The following SEPTIN14 variants were observed in gnomAD, a reference collection of about 807,000 sequenced individuals.
The protein encoded by SEPTIN14 is septin-14.
A neutral mutation model predicts 53.6 loss-of-function variants in SEPTIN14; 40 were observed. That is an observed-to-expected ratio of 0.75 (90% CI 0.58 to 0.97). The LOEUF (loss-of-function observed/expected upper bound fraction) is 0.97. Ranked by LOEUF, SEPTIN14 falls within the 50% of genes least tolerant of loss-of-function variation. The probability of loss-of-function intolerance (pLI) is 0.00; values close to 1 mark genes in which losing one functional copy is unlikely to be tolerated. For synonymous variants in SEPTIN14, 138 were observed against 166.8 expected (o/e 0.83, Z 1.33); for missense variants, 471 against 508.2 (o/e 0.93, Z 0.70).
chr7:55,834,670 T>C, intron 5 of SEPTIN14, 84 bp from the exon 6 acceptor site: 1 of 1,146,360 alleles, frequency 8.7e-7, no homozygotes, highest in Non-Finnish European at 1.2e-6. Flanking sequence ...TGAGACGGAG[T>C]CTCGCTTTGT....
At chr7:55,841,021 T>C (rs542192163) in intron 5 of SEPTIN14, among the ~76,000 whole-genome samples, 4 of 152,308 alleles carry the variant, frequency 2.6e-5, no homozygotes, top group African/African-American at 9.6e-5. Context: ...TGCCTCAGTC[T>C]CATGAGCAGC....
intron 2 of SEPTIN14, among the ~76,000 whole-genome samples, chr7:55,854,453 G>C (rs377079620): frequency 1.5e-4 from 22 of 151,008 alleles, no homozygotes; most frequent in Non-Finnish European, 2.7e-4. Context: ...TTTTTGAGAC[G>C]GAGTCTCGCT....
At chr7:55,820,229 G>A (rs1196744390) in intron 6 of SEPTIN14, among the ~76,000 whole-genome samples, 5 of 152,150 alleles carry the variant, frequency 3.3e-5, no homozygotes, top group African/African-American at 9.7e-5. Flanking sequence ...TTGAACTCCT[G>A]ACCTCAGGTG....
At chr7:55,830,364 T>TTTTTTTTTTTTTTTTTTTTTTATAG (rs1789087899) in intron 6 of SEPTIN14, among the ~76,000 whole-genome samples, 1 of 132,544 alleles carries the variant, frequency 7.5e-6, no homozygotes, top group African/African-American at 2.9e-5. Flanking sequence ...TTTTTTTTTT[T>TTTTTTTTTTTTTTTTTTTTTTATAG]GAGACGGAGT....
intron 5 of SEPTIN14, among the ~76,000 whole-genome samples, chr7:55,841,412 T>G (rs1480501807): frequency 6.6e-5 from 10 of 152,034 alleles, no homozygotes; most frequent in Non-Finnish European, 1.5e-4. Flanking sequence ...CTATTATTTG[T>G]CTAATACTGA....
chr7:55,811,233 C>G, intron 7 of SEPTIN14: 1 of 527,464 alleles, frequency 1.9e-6, no homozygotes, highest in Non-Finnish European at 3.8e-6. Context: ...CTTGGGGAGC[C>G]GCAGGATCTG....
intron 7 of SEPTIN14, among the ~76,000 whole-genome samples, chr7:55,817,796 A>G (rs576008055): frequency 6.6e-6 from 1 of 152,234 alleles, no homozygotes; most frequent in Non-Finnish European, 1.5e-5. Context: ...GAAAATTGCT[A>G]AGATAGATGT....
chr7:55,818,863 T>C (rs1463928308), intron 7 of SEPTIN14, among the ~76,000 whole-genome samples: 7 of 152,186 alleles, frequency 4.6e-5, no homozygotes, highest in African/African-American at 1.7e-4. Flanking sequence ...ATTGGGAGCG[T>C]TGGGATAGAC....
intron 2 of SEPTIN14, among the ~76,000 whole-genome samples, chr7:55,849,570 A>C (rs571992575): frequency 2.7e-5 from 4 of 150,886 alleles, no homozygotes; most frequent in Admixed American, 2.0e-4. Context: ...ACATGGAAAA[A>C]CCCCGTCTCT....
chr7:55,807,294 G>C, intron 7 of SEPTIN14, 36 bp from the exon 8 acceptor site: 1 of 1,365,918 alleles, frequency 7.3e-7, no homozygotes, highest in East Asian at 2.3e-5. Flanking sequence ...ACAACATTCA[G>C]TATCAATCCC....
intron 7 of SEPTIN14, among the ~76,000 whole-genome samples, chr7:55,817,476 A>AT (rs938944299): frequency 0.055 from 7,869 of 143,700 alleles, 445 homozygotes; most frequent in African/African-American, 0.14. Flanking sequence ...ATATATATAT[A>AT]TTTTTTTTTT....
chr7:55,855,404 C>G (rs1470343896), intron 2 of SEPTIN14, among the ~76,000 whole-genome samples: 1 of 152,134 alleles, frequency 6.6e-6, no homozygotes, highest in Non-Finnish European at 1.5e-5. Context: ...CAGGAAAAGA[C>G]AAGATGGGAG....
chr7:55,832,914 C>T (rs997252613), intron 6 of SEPTIN14, among the ~76,000 whole-genome samples: 11 of 151,960 alleles, frequency 7.2e-5, no homozygotes, highest in Non-Finnish European at 1.3e-4. Flanking sequence ...AGAAGCCAAA[C>T]CTCACCATTA....
At chr7:55,854,752 A>C (rs1789583911) in intron 2 of SEPTIN14, among the ~76,000 whole-genome samples, 2 of 152,172 alleles carry the variant, frequency 1.3e-5, no homozygotes, top group Admixed American at 6.6e-5. Context: ...TTACCAGTCA[A>C]TAAGGCAAAC....
chr7:55,844,643 T>C lies in SEPTIN14; in HGVS notation c.251A>G (p.His84Arg), dbSNP rs1789369861. 6.2e-7 allele frequency: 1 copy of C among 1,610,362 alleles called. No homozygotes were observed. The highest frequency in any genetic ancestry group is 8.5e-7 in the Non-Finnish European group (1 of 1,177,088). The change falls in exon 4 of 10, where the codon CAT (histidine) becomes CGT (arginine). Residue 84 changes from histidine to arginine, a missense_variant. Coordinates refer to ENST00000388975, the MANE Select transcript of SEPTIN14 (RefSeq NM_207366.3). Reference protein sequence around the residue: ...NTNLKDNKSSHFYSNVGLQIQ... With the variant: ...NTNLKDNKSSRFYSNVGLQIQ... ...TTGAAGTCCAACATTTGAGTAAAAA[T>C]GTGAGGATTTGTTATCTTTCAAGTT...
chr7:55,797,925 G>C (rs73130795), intron 9 of SEPTIN14: 1,567 of 153,844 alleles, frequency 0.01, 9 homozygotes, highest in Non-Finnish European at 0.018. Flanking sequence ...AAAAACTTGA[G>C]GCCTGGCCTC....
rs1399676144 is a variant in SEPTIN14 at position 55,842,948 on chromosome 7, G to C, written c.552C>G (p.Asp184Glu). The C allele has an allele frequency of 2.0e-6, 3 of 1,504,632 alleles. No individual in the cohort carries two copies. The highest frequency in any genetic ancestry group is 2.7e-6 in the Non-Finnish European group (3 of 1,128,306). The allele number at this position is 1,504,632 out of a possible 1,614,324, so 93.2% of individuals were successfully genotyped here. ...GTAGATTTACCAAACATACCTTACTGTCAAGGTTCTTCATTGTTAATAGAT... is the reference window on the plus strand; with the variant it reads ...GTAGATTTACCAAACATACCTTACTCTCAAGGTTCTTCATTGTTAATAGAT... ...SLDLLTMKNL[D>E]SKVNIIPLIA... Residue 184 changes from aspartate to glutamate, a missense_variant, in exon 5 of 10, where the codon GAC (aspartate) becomes GAG (glutamate). Physicochemically the swap from Asp to Glu is conservative, Grantham distance 45. Transcript: ENST00000388975.
chr7:55,834,201 C>T (rs1789162429), intron 6 of SEPTIN14, among the ~76,000 whole-genome samples: 2 of 152,160 alleles, frequency 1.3e-5, no homozygotes, highest in Admixed American at 6.5e-5. Context: ...TATGAGGCAG[C>T]ATCCCCTTGA....
chr7:55,860,503 T>A (rs1789724721), intron 2 of SEPTIN14, among the ~76,000 whole-genome samples: 1 of 152,284 alleles, frequency 6.6e-6, no homozygotes, highest in Middle Eastern at 3.4e-3. Flanking sequence ...AACAATGTAT[T>A]GTATATTTCA....
Sources: gnomAD v4.1 joint callset for allele counts (sites outside exome capture counted in the v4.1 genomes callset) on GRCh38, gnomAD v4.1.1 for gene constraint, MANE v1.5 for transcripts, NCBI Gene and HGNC (gene_info 2026-07-23, HGNC 2026-07-21) for gene names.